CYP24A1: variants seen among roughly 807,000 people sequenced by gnomAD.
CYP24A1 encodes the protein 1,25-dihydroxyvitamin D(3) 24-hydroxylase, mitochondrial.
A neutral mutation model predicts 62.4 loss-of-function variants in CYP24A1; 68 were observed. That is an observed-to-expected ratio of 1.09 (90% confidence interval 0.90 to 1.33). The LOEUF is 1.33. Among genes scored for constraint, CYP24A1 ranks in the 40% most tolerant of loss-of-function variants. CYP24A1 has a pLI of 0.00. For synonymous variants in CYP24A1, 267 were observed against 253.0 expected (o/e 1.06, Z -0.52); for missense variants, 787 against 653.0 (o/e 1.21, Z -2.24).
rs866972372 is a variant in CYP24A1, at chr20:54,173,569, G to C, written c.11C>G (p.Pro4Arg). 1.5e-5 allele frequency: 24 copies of C among 1,579,304 alleles called. No homozygotes were observed. Among genetic ancestry groups the C allele is most frequent in the Non-Finnish European group, 1.9e-5 (22 of 1,167,832 alleles). The stretch of plus-strand genomic sequence containing the variant: ...GGCAAGCGAGCGGCTCTTGCTGATG[G>C]GGGAGCTCATGGCAGCGGGGGACAC... MSS[P>R]ISKSRSLAAF... is the part of the protein sequence containing the mutation. The change falls in exon 1 of 12, where the codon CCC becomes CGC. Residue 4 changes from proline to arginine, a missense_variant. By Grantham distance (103) the Pro-to-Arg change is moderately radical. Coordinates refer to ENST00000216862, the MANE Select transcript of CYP24A1 (RefSeq NM_000782.5). This position sits in a 1 kb window ranked among gnomAD's most constrained non-coding sequence, Gnocchi z 7.2.
intron 5 of CYP24A1, among the ~76,000 whole-genome samples, chr20:54,165,138 C>T (rs530015554): frequency 6.6e-6 from 1 of 152,388 alleles, no homozygotes; most frequent in South Asian, 2.1e-4. Flanking sequence ...TGAACCAGTA[C>T]TGGTCAGTGG....
chr20:54,170,322 T>C (rs1472251797), intron 3 of CYP24A1, among the ~76,000 whole-genome samples: 1 of 152,194 alleles, frequency 6.6e-6, no homozygotes, highest in Non-Finnish European at 1.5e-5. Context: ...CGAAGTGTAT[T>C]GGTTGATCCT....
At position 54,153,547 on chromosome 20, in the gene CYP24A1, G is replaced by A. The variant is rs2092616537; in HGVS notation, c.*1225C>T. 1.3e-5 allele frequency: 2 copies of A among 152,448 alleles called. No homozygotes were observed. Among genetic ancestry groups the A allele is most frequent in the South Asian group, 4.1e-4 (2 of 4,822 alleles). 9.4% of individuals were successfully genotyped at this position (152,448 alleles called of 1,614,324 possible). Reference sequence around the variant, plus strand: ...TTATAATTCTAAAAATAATTTCACAGCAGAGAGAAAGCATATACCTAGATA... The same window carrying A: ...TTATAATTCTAAAAATAATTTCACAACAGAGAGAAAGCATATACCTAGATA... On this transcript the variant is annotated 3_prime_UTR_variant, in exon 12 of 12. Transcript: ENST00000216862.
chr20:54,153,712 A>G lies in CYP24A1; in HGVS notation c.*1060T>C, dbSNP rs1204472695. The G allele has an allele frequency of 6.6e-6, 1 of 152,666 alleles. No homozygotes were observed. Among genetic ancestry groups the G allele is most frequent in the African/African-American group, 2.4e-5 (1 of 41,458 alleles). The allele number at this position is 152,666 out of a possible 1,614,324, so 9.5% of individuals were successfully genotyped here. On this transcript the variant is annotated 3_prime_UTR_variant, in exon 12 of 12. Transcript: ENST00000216862. ...AGGAAAAGCAGTAGTAAAAATATGC[A>G]CAAATAAACCATCTGTAAACACAAT...
rs116165787 is a variant in CYP24A1 at position 54,167,417 on chromosome 20, G to A, written c.641-1584C>T. 3.0e-3 allele frequency among the ~76,000 whole-genome samples: 457 copies of A among 152,304 alleles called. 1 individual carries two copies. The highest frequency in any genetic ancestry group is 0.01 in the African/African-American group (424 of 41,554). ...AGCACTCTCAGAGGTGGAGGTGGGA[G>A]CATCATCTGAGGTCAGGAGTTTGAG... On this transcript the variant is annotated intron_variant, in intron 4 of 11. Transcript: ENST00000216862.
intron 5 of CYP24A1, 88 bp downstream of exon 5, chr20:54,165,654 C>T: frequency 1.2e-6 from 1 of 832,524 alleles, no homozygotes; most frequent in Non-Finnish European, 2.1e-6. Context: ...GTGTGTATGC[C>T]ATTTTTTGGG....
rs1399405023 is a variant in CYP24A1 at position 54,158,066 on chromosome 20, A to G, written c.1236+20T>C. 3 of 1,612,926 alleles carry G rather than the reference A, an allele frequency of 1.9e-6. No homozygotes were observed. In the African/African-American group the frequency reaches 4.0e-5, roughly 21 times the overall value. On this transcript the variant is annotated intron_variant, in intron 9 of 11. Coordinates refer to ENST00000216862, the MANE Select transcript of CYP24A1 (RefSeq NM_000782.5). ...TCTTCCAAGGTTTTGTAAGGTATAG[A>G]ATATACAAATTCTACTTACTCCTTT...
intron 3 of CYP24A1, 34 bp downstream of exon 3, chr20:54,171,543 C>G: frequency 1.2e-6 from 2 of 1,613,816 alleles, no homozygotes; most frequent in Non-Finnish European, 8.5e-7. Flanking sequence ...TATGTCCCCA[C>G]GAGCCCCAGG....
At chr20:54,155,245 C>A (rs1391875439) in intron 11 of CYP24A1, among the ~76,000 whole-genome samples, 1 of 152,034 alleles carries the variant, frequency 6.6e-6, no homozygotes, top group Non-Finnish European at 1.5e-5. Flanking sequence ...TTCATTTGGG[C>A]CTTGTTCAGA....
At chr20:54,149,237 A>G (rs1409518889), downstream of CYP24A1, among the ~76,000 whole-genome samples, 2 of 152,146 alleles carry the variant, frequency 1.3e-5, no homozygotes, top group Non-Finnish European at 2.9e-5. Flanking sequence ...CTCCTCTCCA[A>G]GGTCTTCTAG....
the CYP24A1 span, among the ~76,000 whole-genome samples, chr20:54,146,939 A>G: frequency 6.6e-6 from 1 of 152,234 alleles, no homozygotes; most frequent in Non-Finnish European, 1.5e-5. Flanking sequence ...TCAACTTCCA[A>G]CCCAGGAGAT....
chr20:54,172,886 C>T, intron 2 of CYP24A1, 23 bp downstream of exon 2: 2 of 1,613,384 alleles, frequency 1.2e-6, no homozygotes, highest in Non-Finnish European at 1.7e-6. Context: ...GCCGCATGCC[C>T]AGGTCCCTCG....
chr20:54,173,881 T>A lies in CYP24A1; in HGVS notation c.-302A>T, dbSNP rs2092704410. On this transcript the variant is annotated 5_prime_UTR_variant, in exon 1 of 12. Coordinates refer to ENST00000216862, the MANE Select transcript of CYP24A1 (RefSeq NM_000782.5). This position sits in a 1 kb window ranked among gnomAD's most constrained non-coding sequence, Gnocchi z 7.2. The stretch of plus-strand genomic sequence containing the variant: ...AAAGGGAAAGCTGGGAGTCCTCCTG[T>A]TGGTCCGCAAGGCTGACCTCTAGGG... 2 of 496,784 alleles carry A rather than the reference T, an allele frequency of 4.0e-6. No homozygotes were observed. Among genetic ancestry groups the A allele is most frequent in the Non-Finnish European group, 7.3e-6 (2 of 274,660 alleles). 30.8% of individuals were successfully genotyped at this position (496,784 alleles called of 1,614,324 possible). A position where few individuals can be genotyped will look rare whatever the true frequency, so the allele number is the denominator to read the frequency against.
chr20:54,165,962 G>C (rs2092670462), intron 4 of CYP24A1, 129 bp from the exon 5 acceptor site: 4 of 722,248 alleles, frequency 5.5e-6, no homozygotes, highest in Non-Finnish European at 7.4e-6. Flanking sequence ...AAAGGCAACA[G>C]TCCAAGAATA....
intron 6 of CYP24A1, among the ~76,000 whole-genome samples, chr20:54,163,918 G>A (rs1381154479): frequency 6.6e-6 from 1 of 152,110 alleles, no homozygotes. Context: ...TTGAACTCAG[G>A]AGTCCCTGAC....
rs1568966169 is a variant in CYP24A1, at chr20:54,158,091, T to G, written c.1231A>C (p.Lys411Gln). 1 of 1,613,758 alleles carries G rather than the reference T, an allele frequency of 6.2e-7. No homozygotes were observed. The highest frequency in any genetic ancestry group is 1.3e-5 in the African/African-American group (1 of 74,954). The change falls in exon 9 of 12, where the codon AAA (lysine) becomes CAA (glutamine). Residue 411 changes from lysine (K) to glutamine (Q), a missense_variant. Coordinates refer to ENST00000216862, the MANE Select transcript of CYP24A1 (RefSeq NM_000782.5). Reference protein sequence around the residue: ...ATVLGEYALPKGTVLMLNTQV... With the variant: ...ATVLGEYALPQGTVLMLNTQV... ...AATATACAAATTCTACTTACTCCTT[T>G]GGGTAAAGCATATTCACCCAGAACT...
downstream of CYP24A1, among the ~76,000 whole-genome samples, chr20:54,151,956 C>T (rs537351571): frequency 7.2e-5 from 11 of 152,240 alleles, no homozygotes; most frequent in East Asian, 1.9e-4. Flanking sequence ...GTAGCAAGTG[C>T]ACAGAGGAGA....
intron 4 of CYP24A1, among the ~76,000 whole-genome samples, chr20:54,168,723 C>G (rs1306569390): frequency 1.3e-5 from 2 of 150,236 alleles, no homozygotes; most frequent in African/African-American, 2.5e-5. Context: ...TTTCCTTTCT[C>G]TTTTTCTTTT....
chr20:54,152,892 GATC>G (rs1345081276), downstream of CYP24A1, among the ~76,000 whole-genome samples: 1 of 152,210 alleles, frequency 6.6e-6, no homozygotes, highest in Non-Finnish European at 1.5e-5. Flanking sequence ...AGAGGACTGA[GATC>G]AGCTGGGAGC....
Sources: allele counts gnomAD v4.1 joint callset (sites outside exome capture counted in the v4.1 genomes callset), GRCh38; gene constraint gnomAD v4.1.1; non-coding constraint Gnocchi (gnomAD v3.1); transcripts MANE v1.5; gene names NCBI Gene and HGNC (gene_info 2026-07-23, HGNC 2026-07-21).